LMO2: variants seen among roughly 807,000 people sequenced by gnomAD.
LMO2 encodes LIM domain only 2.
LMO2 carries 20 observed loss-of-function variants against 23.2 expected under a neutral mutation model. The observed-to-expected ratio is 0.86, with a 90% CI of 0.61 to 1.25. The LOEUF is 1.25. LMO2 is among the 50% of genes most tolerant of loss of function. The pLI is 0.00. For synonymous variants in LMO2, 123 were observed against 130.2 expected, an observed-to-expected ratio of 0.94 and a Z score of 0.38; for missense variants, 270 against 315.3, an observed-to-expected ratio of 0.86 and a Z score of 1.09.
intron 2 of LMO2, among the ~76,000 whole-genome samples, chr11:33,871,278 G>C (rs1274648096): frequency 6.6e-6 from 1 of 151,388 alleles, no homozygotes; most frequent in African/African-American, 2.4e-5. Context: ...TTTTGTCCTA[G>C]TGGAGACTTC....
At chr11:33,883,273 A>C (rs763774790) in intron 1 of LMO2, among the ~76,000 whole-genome samples, 51 of 152,204 alleles carry the variant, frequency 3.4e-4, no homozygotes, top group Non-Finnish European at 6.9e-4. Flanking sequence ...TTGTGTTAAG[A>C]AGAATTGTGA....
chr11:33,881,019 A>G, intron 2 of LMO2: 1 of 364,238 alleles, frequency 2.7e-6, no homozygotes. Context: ...CACAGCATTA[A>G]GGAGCTCAAT....
rs1857246226 is a variant in LMO2, at chr11:33,880,267, C to CACATGATATATATCATAT, written c.-272+1556_-272+1557insATATGATATATATCATGT. ...ATATACACATGATATATATATCATACATACACATGATATATATCATATATA... is the reference window on the plus strand; with the variant it reads ...ATATACACATGATATATATATCATACACATGATATATATCATATATACACATGATATATATCATATATA... On this transcript the variant is annotated intron_variant, in intron 2 of 5. Coordinates refer to ENST00000257818, the MANE Select transcript of LMO2 (RefSeq NM_005574.4). This position sits in a 1 kb window ranked among gnomAD's most constrained non-coding sequence, Gnocchi z 4.3. 1.1e-4 allele frequency among the ~76,000 whole-genome samples: 3 copies of CACATGATATATATCATAT among 26,308 alleles called. No homozygotes were observed. Among genetic ancestry groups the CACATGATATATATCATAT allele is most frequent in the African/African-American group, 1.6e-4 (2 of 12,136 alleles). The allele number at this position is 26,308 out of a possible 152,430, so 17.3% of individuals were successfully genotyped here. A position where few individuals can be genotyped will look rare whatever the true frequency, so the allele number is the denominator to read the frequency against.
At position 33,888,042 on chromosome 11, in the gene LMO2, G is replaced by A. The variant is rs530239860; in HGVS notation, c.-336+3753C>T. On this transcript the variant is annotated intron_variant, in intron 1 of 5. Transcript: ENST00000257818. Reference sequence around the variant, plus strand: ...GGGTTGAAGAAAGGAGGTGGGGGCAGGGGGAATGACTGAGTGGGCAATGAC... The same window carrying A: ...GGGTTGAAGAAAGGAGGTGGGGGCAAGGGGAATGACTGAGTGGGCAATGAC... Among the ~76,000 whole-genome samples, 30 of 152,280 alleles carry A rather than the reference G, an allele frequency of 2.0e-4. 1 individual carries two copies. In the South Asian group the frequency reaches 5.6e-3, roughly 28 times the overall value.
chr11:33,875,060 C>G (rs1418184390), intron 2 of LMO2, among the ~76,000 whole-genome samples: 1 of 152,212 alleles, frequency 6.6e-6, no homozygotes, highest in African/African-American at 2.4e-5. Flanking sequence ...TCACCCACCC[C>G]TGCTCCCACT....
chr11:33,888,550 C>T (rs1590660291), intron 1 of LMO2, among the ~76,000 whole-genome samples: 1 of 146,958 alleles, frequency 6.8e-6, no homozygotes, highest in South Asian at 2.1e-4. Flanking sequence ...TTGCTCTTCT[C>T]CTTCTTCCGG....
intron 2 of LMO2, among the ~76,000 whole-genome samples, chr11:33,878,535 A>G (rs1253077842): frequency 6.6e-6 from 1 of 152,230 alleles, no homozygotes; most frequent in East Asian, 1.9e-4. Context: ...AGTCATTGAG[A>G]TAATGTATGC....
At chr11:33,890,775 T>G (rs1027572985) in intron 1 of LMO2, among the ~76,000 whole-genome samples, 2 of 152,188 alleles carry the variant, frequency 1.3e-5, no homozygotes, top group African/African-American at 2.4e-5. Context: ...ATCCAAGCAC[T>G]TCCATGATTT....
At chr11:33,870,059 C>T (rs1334531107) in intron 2 of LMO2, 72 bp from the exon 3 acceptor site, 4 of 543,306 alleles carry the variant, frequency 7.4e-6, no homozygotes, top group African/African-American at 2.1e-5. Flanking sequence ...CCCACCTCCC[C>T]TTTTTTCTTC....
intron 1 of LMO2, among the ~76,000 whole-genome samples, chr11:33,889,664 C>T (rs1307465283): frequency 1.3e-5 from 2 of 152,080 alleles, no homozygotes; most frequent in Non-Finnish European, 2.9e-5. Context: ...AACCTAGTGG[C>T]GATGTGGAGA....
intron 4 of LMO2, among the ~76,000 whole-genome samples, chr11:33,868,501 C>T (rs1407395546): frequency 1.3e-5 from 2 of 152,120 alleles, no homozygotes; most frequent in African/African-American, 2.4e-5. Flanking sequence ...ATCTTAAACA[C>T]CCCTTACTCC....
chr11:33,869,888 G>T lies in LMO2; in HGVS notation c.-172C>A. ...GCAGAGAGGGGGCGGCGGCCTAGGG[G>T]CGGGGAGGGGACCGTGCGTCTCTCT... On this transcript the variant is annotated 5_prime_UTR_variant, in exon 3 of 6. Coordinates refer to ENST00000257818, the MANE Select transcript of LMO2 (RefSeq NM_005574.4). 1 of 1,050,392 alleles carries T rather than the reference G, an allele frequency of 9.5e-7. No individual in the cohort carries two copies. Among genetic ancestry groups the T allele is most frequent in the Non-Finnish European group, 1.1e-6 (1 of 871,882 alleles). The allele number at this position is 1,050,392 out of a possible 1,614,324, so 65.1% of individuals were successfully genotyped here.
rs1857247737 is a variant in LMO2, at chr11:33,880,273, C to CATGATATATATCATATATACAT, written c.-272+1550_-272+1551insATGTATATATGATATATATCAT. Among the ~76,000 whole-genome samples the CATGATATATATCATATATACAT allele has an allele frequency of 8.8e-6, 1 of 113,388 alleles. No individual in the cohort carries two copies. Among genetic ancestry groups the CATGATATATATCATATATACAT allele is most frequent in the South Asian group, 2.4e-4 (1 of 4,102 alleles). 74.4% of individuals were successfully genotyped at this position (113,388 alleles called of 152,430 possible). A position where few individuals can be genotyped will look rare whatever the true frequency, so the allele number is the denominator to read the frequency against. On this transcript the variant is annotated intron_variant, in intron 2 of 5. Coordinates refer to ENST00000257818, the MANE Select transcript of LMO2 (RefSeq NM_005574.4). The surrounding 1 kb of genome is among the most constrained non-coding windows in gnomAD (Gnocchi z 4.3). ...ACATGATATATATATCATACATACA[C>CATGATATATATCATATATACAT]ATGATATATATCATATATATCATAT...
chr11:33,870,487 C>CAGGGCTG (rs1465542538), intron 2 of LMO2: 45 of 978,638 alleles, frequency 4.6e-5, no homozygotes, highest in Non-Finnish European at 5.5e-5. Context: ...GCTGCGGGCT[C>CAGGGCTG]CGGGCTGCGG....
At chr11:33,869,228 A>C in intron 4 of LMO2, 118 bp downstream of exon 4, 1 of 695,222 alleles carries the variant, frequency 1.4e-6, no homozygotes, top group South Asian at 6.8e-5. Context: ...CAGGGGGCCA[A>C]GGGCACGCCG....
intron 5 of LMO2, among the ~76,000 whole-genome samples, chr11:33,862,306 T>A (rs1008035099): frequency 6.6e-6 from 1 of 151,860 alleles, no homozygotes; most frequent in African/African-American, 2.4e-5. Flanking sequence ...CCGTTGGGGG[T>A]CTAGTTGGGG....
intron 2 of LMO2, chr11:33,881,154 C>G: frequency 2.2e-6 from 1 of 456,766 alleles, no homozygotes; most frequent in Admixed American, 2.3e-5. Flanking sequence ...ATCTTTAATG[C>G]CTGCTCAGGC....
rs758814725 is a variant in LMO2 at position 33,870,461 on chromosome 11, GGGCTGCGGGCCCCA to G, written c.-271-488_-271-475del. The G allele has an allele frequency of 6.2e-3, 6,083 of 978,134 alleles. 24 individuals carry two copies. Among genetic ancestry groups the G allele is most frequent in the Non-Finnish European group, 7.0e-3 (5,785 of 823,498 alleles). The allele number at this position is 978,134 out of a possible 1,614,324, so 60.6% of individuals were successfully genotyped here. A position where few individuals can be genotyped will look rare whatever the true frequency, so the allele number is the denominator to read the frequency against. Reference sequence around the variant, plus strand: ...CGCGGCTCTGCGGGCTGCGGGCTACGGGCTGCGGGCCCCAGGCTGCGGGCTCCGGGCTGCGGGCT... The same window carrying G: ...CGCGGCTCTGCGGGCTGCGGGCTACGGGCTGCGGGCTCCGGGCTGCGGGCT... On this transcript the variant is annotated intron_variant, in intron 2 of 5. Coordinates refer to ENST00000257818, the MANE Select transcript of LMO2 (RefSeq NM_005574.4).
intron 5 of LMO2, among the ~76,000 whole-genome samples, chr11:33,861,103 C>A (rs1317849602): frequency 6.6e-6 from 1 of 152,228 alleles, no homozygotes; most frequent in Non-Finnish European, 1.5e-5. Flanking sequence ...CATGTCAGGG[C>A]ACCCATGGTC....
Sources: gnomAD v4.1 joint callset for allele counts (sites outside exome capture counted in the v4.1 genomes callset) on GRCh38, gnomAD v4.1.1 for gene constraint, Gnocchi (gnomAD v3.1) non-coding constraint, MANE v1.5 for transcripts, NCBI Gene and HGNC (gene_info 2026-07-23, HGNC 2026-07-21) for gene names.